Variants in NALF1 observed in about 807,000 individuals in gnomAD.
The protein encoded by NALF1 is family with sequence similarity 155 member A.
NALF1 carries 3 observed loss-of-function variants against 48.4 expected under a neutral mutation model. The ratio of observed to expected loss-of-function variants is 0.06; its 90% confidence interval spans 0.03 to 0.16. NALF1 has a LOEUF of 0.16. Ranked by LOEUF, NALF1 falls within the 10% of genes least tolerant of loss-of-function variation. The pLI is 1.00. For synonymous variants in NALF1, 262 were observed against 245.7 expected (o/e 1.07, Z -0.62); for missense variants, 526 against 571.5 (o/e 0.92, Z 0.81).
chr13:107,587,173 T>C (rs141607023), intron 1 of NALF1, among the ~76,000 whole-genome samples: 175 of 152,060 alleles, frequency 1.2e-3, no homozygotes, highest in Middle Eastern at 6.8e-3. Context: ...ATGTTCAAGA[T>C]AGTAGGTGTA....
At chr13:107,621,176 T>C (rs1230256497) in intron 1 of NALF1, among the ~76,000 whole-genome samples, 1 of 152,210 alleles carries the variant, frequency 6.6e-6, no homozygotes, top group Non-Finnish European at 1.5e-5. Flanking sequence ...CTCCATCACA[T>C]TCTTCCCATC....
chr13:107,658,388 T>C (rs17364023), intron 1 of NALF1, among the ~76,000 whole-genome samples: 2,817 of 152,232 alleles, frequency 0.019, 33 homozygotes, highest in Non-Finnish European at 0.028. Flanking sequence ...CCCTGCTTTT[T>C]AATGCTTATG....
At chr13:107,511,290 T>C (rs1285335793) in intron 1 of NALF1, among the ~76,000 whole-genome samples, 2 of 152,192 alleles carry the variant, frequency 1.3e-5, no homozygotes, top group South Asian at 2.1e-4. Flanking sequence ...CCAGTGCTTA[T>C]TCTACATGGC....
chr13:107,797,921 AT>A (rs1878483083), intron 1 of NALF1, among the ~76,000 whole-genome samples: 1 of 152,246 alleles, frequency 6.6e-6, no homozygotes, highest in Non-Finnish European at 1.5e-5. Context: ...TTTAATATAA[AT>A]GGCCCAAGAT....
chr13:107,581,639 A>AT (rs1189482712), intron 1 of NALF1, among the ~76,000 whole-genome samples: 1 of 152,218 alleles, frequency 6.6e-6, no homozygotes, highest in East Asian at 1.9e-4. Flanking sequence ...ATAAAACAAA[A>AT]TGAGTGTATA....
chr13:107,802,665 T>G (rs183755288), intron 1 of NALF1, among the ~76,000 whole-genome samples: 2 of 151,570 alleles, frequency 1.3e-5, no homozygotes, highest in African/African-American at 2.4e-5. Context: ...AAGAGCCATG[T>G]TTTTTTATAT....
chr13:107,243,360 G>A (rs893773127), intron 1 of NALF1, among the ~76,000 whole-genome samples: 1 of 152,070 alleles, frequency 6.6e-6, no homozygotes, highest in South Asian at 2.1e-4. Flanking sequence ...CCCTGCCCTG[G>A]GCCACGCAGG....
chr13:107,537,160 C>T (rs1006221352), intron 1 of NALF1, among the ~76,000 whole-genome samples: 2 of 152,000 alleles, frequency 1.3e-5, no homozygotes, highest in African/African-American at 4.8e-5. Flanking sequence ...AGCACACCAA[C>T]ATGGCACATG....
At chr13:107,707,217 C>T (rs1342618007) in intron 1 of NALF1, among the ~76,000 whole-genome samples, 3 of 151,648 alleles carry the variant, frequency 2.0e-5, no homozygotes, top group East Asian at 2.0e-4. Context: ...CCACCGCGCC[C>T]GGCCAAGGGC....
chr13:107,693,224 C>G (rs1348004943), intron 1 of NALF1, among the ~76,000 whole-genome samples: 1 of 148,374 alleles, frequency 6.7e-6, no homozygotes, highest in African/African-American at 2.5e-5. Flanking sequence ...ATCACAAGGA[C>G]AGAAAATCAA....
chr13:107,663,625 A>G (rs1183062705), intron 1 of NALF1, among the ~76,000 whole-genome samples: 1 of 152,180 alleles, frequency 6.6e-6, no homozygotes, highest in East Asian at 1.9e-4. Flanking sequence ...TAAATTCTCC[A>G]TATCACCAGC....
chr13:107,525,639 T>C (rs1157884629), intron 1 of NALF1, among the ~76,000 whole-genome samples: 1 of 152,104 alleles, frequency 6.6e-6, no homozygotes, highest in East Asian at 1.9e-4. Context: ...TTGAGTGGGA[T>C]TTTTTTAGTC....
At chr13:107,200,718 C>T (rs564213966) in intron 2 of NALF1, among the ~76,000 whole-genome samples, 5 of 152,232 alleles carry the variant, frequency 3.3e-5, no homozygotes, top group East Asian at 3.9e-4. Flanking sequence ...TGACATCAGT[C>T]GCCAGTTGGC....
chr13:107,863,316 T>C, intron 1 of NALF1, among the ~76,000 whole-genome samples: 1 of 152,240 alleles, frequency 6.6e-6, no homozygotes. Flanking sequence ...TTTGTGGCTT[T>C]TTCAGAATCA....
chr13:107,435,280 T>G (rs886517509), intron 1 of NALF1, among the ~76,000 whole-genome samples: 13 of 151,802 alleles, frequency 8.6e-5, no homozygotes, highest in African/African-American at 3.1e-4. Context: ...CTTTTCCGGC[T>G]GTGGAGCTGA....
intron 1 of NALF1, among the ~76,000 whole-genome samples, chr13:107,851,024 C>T (rs1880300660): frequency 6.6e-6 from 1 of 152,104 alleles, no homozygotes; most frequent in Admixed American, 6.5e-5. Flanking sequence ...CTCTGCACAT[C>T]CTAGGGAAGT....
chr13:107,564,626 G>T (rs1172783732), intron 1 of NALF1, among the ~76,000 whole-genome samples: 1 of 152,140 alleles, frequency 6.6e-6, no homozygotes, highest in South Asian at 2.1e-4. Flanking sequence ...CACATATAAA[G>T]TATGGATGCC....
intron 1 of NALF1, among the ~76,000 whole-genome samples, chr13:107,637,154 G>A (rs1307437760): frequency 6.6e-6 from 1 of 151,852 alleles, no homozygotes. Flanking sequence ...CACACTCTAT[G>A]ATGCTGGCAT....
chr13:107,721,268 C>T (rs367558556), intron 1 of NALF1, among the ~76,000 whole-genome samples: 2 of 152,114 alleles, frequency 1.3e-5, no homozygotes, highest in South Asian at 2.1e-4. Flanking sequence ...AAAATGATAC[C>T]GGTTCCTAGG....
Sources: allele counts gnomAD v4.1 joint callset (sites outside exome capture counted in the v4.1 genomes callset), GRCh38; gene constraint gnomAD v4.1.1; transcripts MANE v1.5; gene names NCBI Gene and HGNC (gene_info 2026-07-23, HGNC 2026-07-21).